Variants in LRRC72 observed in about 807,000 individuals in gnomAD.
The protein encoded by LRRC72 is leucine-rich repeat-containing protein 72.
A neutral mutation model predicts 35.8 loss-of-function variants in LRRC72; 41 were observed. That is an observed-to-expected ratio of 1.15 (90% CI 0.89 to 1.49). The LOEUF (loss-of-function observed/expected upper bound fraction) is 1.49, where lower values mean the gene tolerates loss of function less well. Among genes scored for constraint, LRRC72 ranks in the 40% most tolerant of loss-of-function variants. The pLI is 0.00. For synonymous variants in LRRC72, 118 were observed against 119.2 expected (o/e 0.99, Z 0.07); for missense variants, 389 against 330.7 (o/e 1.18, Z -1.37).
chr7:16,548,598 C>G (rs6949583), intron 3 of LRRC72, among the ~76,000 whole-genome samples: 15,364 of 152,294 alleles, frequency 0.1, 858 homozygotes, highest in East Asian at 0.15. Flanking sequence ...GGTGCCCATG[C>G]CAATCCCTGG....
intron 3 of LRRC72, among the ~76,000 whole-genome samples, chr7:16,540,420 G>A (rs965622526): frequency 2.6e-5 from 4 of 152,186 alleles, no homozygotes; most frequent in African/African-American, 7.2e-5. Context: ...AGGTGGAAGG[G>A]ACTAGCCTTG....
rs1404172 is a variant in LRRC72 at position 16,532,351 on chromosome 7, C to A, written c.91-144C>A. 2.4e-3 allele frequency: 1,421 copies of A among 603,792 alleles called. 7 individuals are homozygous for A. The highest frequency in any genetic ancestry group is 0.02 in the African/African-American group (1,055 of 53,816). 37.4% of individuals were successfully genotyped at this position (603,792 alleles called of 1,614,324 possible). ...TGAGTAAATAATATATAATTGTAGC[C>A]TTGGAATTTATCAGTTTAGAATGGT... On this transcript the variant is annotated intron_variant, in intron 1 of 8. Transcript: ENST00000401542.
At chr7:16,578,924 G>C (rs1254166373) in intron 7 of LRRC72, among the ~76,000 whole-genome samples, 2 of 152,198 alleles carry the variant, frequency 1.3e-5, no homozygotes, top group African/African-American at 4.8e-5. Context: ...CAAACTCATA[G>C]AAGCAGAGAG....
At chr7:16,566,736 G>A (rs1172806990) in intron 6 of LRRC72, among the ~76,000 whole-genome samples, 3 of 152,098 alleles carry the variant, frequency 2.0e-5, no homozygotes, top group African/African-American at 7.2e-5. Flanking sequence ...TCTCAAAAGT[G>A]AGGGAATTGG....
At chr7:16,528,525 A>G (rs1274064540) in intron 1 of LRRC72, among the ~76,000 whole-genome samples, 1 of 151,680 alleles carries the variant, frequency 6.6e-6, no homozygotes, top group African/African-American at 2.4e-5. Context: ...CTCTGCCTCC[A>G]TTTACTTGCC....
intron 5 of LRRC72, among the ~76,000 whole-genome samples, chr7:16,565,379 G>A (rs554786686): frequency 4.8e-4 from 72 of 150,326 alleles, no homozygotes; most frequent in African/African-American, 1.7e-3. Flanking sequence ...GTTGCAGTGA[G>A]CAAGATCATG....
chr7:16,579,510 A>G (rs983317414), intron 7 of LRRC72, among the ~76,000 whole-genome samples: 1 of 152,166 alleles, frequency 6.6e-6, no homozygotes, highest in Non-Finnish European at 1.5e-5. Context: ...AAGCAGTGAC[A>G]GTCTCTGGAA....
chr7:16,566,880 A>G (rs931289097), intron 6 of LRRC72, among the ~76,000 whole-genome samples: 1 of 152,152 alleles, frequency 6.6e-6, no homozygotes, highest in African/African-American at 2.4e-5. Flanking sequence ...TCAGATTTCT[A>G]TAAGCCACAT....
chr7:16,566,342 A>T lies in LRRC72; in HGVS notation c.457A>T (p.Asn153Tyr). The change falls in exon 6 of 9, where the codon AAC (asparagine) becomes TAC (tyrosine). Residue 153 changes from asparagine to tyrosine, a missense_variant. By Grantham distance (143) the Asn-to-Tyr change is moderately radical. Coordinates refer to ENST00000401542, the MANE Select transcript of LRRC72 (RefSeq NM_001195280.2). Reference sequence around the variant, plus strand: ...ATACCAAAATCCTTTGTGCCAATATAACCTGTATCGTTTATATATCATCTA... The same window carrying T: ...ATACCAAAATCCTTTGTGCCAATATTACCTGTATCGTTTATATATCATCTA... ...SLYQNPLCQY[N>Y]LYRLYIIYHL... 6.5e-7 allele frequency: 1 copy of T among 1,545,796 alleles called. No individual in the cohort carries two copies. Among genetic ancestry groups the T allele is most frequent in the Non-Finnish European group, 8.7e-7 (1 of 1,145,262 alleles).
intron 3 of LRRC72, among the ~76,000 whole-genome samples, chr7:16,550,116 T>G (rs1365073854): frequency 2.0e-5 from 3 of 152,008 alleles, no homozygotes; most frequent in Non-Finnish European, 2.9e-5. Flanking sequence ...CTACTTGGGA[T>G]GCTGAGGTGG....
intron 5 of LRRC72, among the ~76,000 whole-genome samples, chr7:16,564,622 C>T (rs1022607437): frequency 6.6e-6 from 1 of 152,002 alleles, no homozygotes; most frequent in Admixed American, 6.6e-5. Context: ...TATGCCTTTC[C>T]TCACTCCTGT....
intron 5 of LRRC72, among the ~76,000 whole-genome samples, chr7:16,563,386 A>G (rs1041410928): frequency 1.3e-5 from 2 of 152,154 alleles, no homozygotes; most frequent in African/African-American, 4.8e-5. Flanking sequence ...ATCATTGGGT[A>G]AATGTAAATT....
chr7:16,553,177 C>T (rs1782586577), intron 3 of LRRC72, among the ~76,000 whole-genome samples: 1 of 152,154 alleles, frequency 6.6e-6, no homozygotes, highest in African/African-American at 2.4e-5. Flanking sequence ...CGAATATTTT[C>T]CAGTGCTCAA....
At chr7:16,530,953 T>C (rs1782150607) in intron 1 of LRRC72, among the ~76,000 whole-genome samples, 1 of 151,914 alleles carries the variant, frequency 6.6e-6, no homozygotes, top group Non-Finnish European at 1.5e-5. Flanking sequence ...TCCTAGCACT[T>C]TGGGAGGCCA....
At chr7:16,528,139 C>T (rs1217565479) in intron 1 of LRRC72, among the ~76,000 whole-genome samples, 1 of 152,174 alleles carries the variant, frequency 6.6e-6, no homozygotes. Context: ...GATTGAAATT[C>T]TACCTTCTTC....
At chr7:16,573,179 C>T (rs776656447) in intron 7 of LRRC72, among the ~76,000 whole-genome samples, 3 of 152,138 alleles carry the variant, frequency 2.0e-5, no homozygotes, top group Non-Finnish European at 4.4e-5. Flanking sequence ...AAAAACATTC[C>T]ATGTTCATGG....
At chr7:16,528,380 G>C (rs766667395) in intron 1 of LRRC72, among the ~76,000 whole-genome samples, 1 of 151,744 alleles carries the variant, frequency 6.6e-6, no homozygotes, top group Non-Finnish European at 1.5e-5. Flanking sequence ...TTTCTGGTGG[G>C]CGCCTTGACC....
intron 3 of LRRC72, among the ~76,000 whole-genome samples, chr7:16,554,307 G>C (rs1379195985): frequency 6.6e-6 from 1 of 152,232 alleles, no homozygotes; most frequent in Non-Finnish European, 1.5e-5. Flanking sequence ...TCCAGCCTGG[G>C]TGACAGAGTG....
In LRRC72 at chr7:16,567,433, A is replaced by T; in HGVS notation, c.560A>T (p.Asn187Ile). The change falls in exon 7 of 9, where the codon AAC (asparagine) becomes ATC (isoleucine). Residue 187 changes from asparagine to isoleucine, a missense_variant. Transcript: ENST00000401542. The part of the protein sequence containing the change: ...KERRSMITIF[N>I]HKKAHIVQSI... ...AGAAGATCAATGATTACCATTTTTA[A>T]CCATAAAAAGGCTCATATCGTTCAA... 1 of 1,518,106 alleles carries T rather than the reference A, an allele frequency of 6.6e-7. No individual in the cohort carries two copies. Among genetic ancestry groups the T allele is most frequent in the East Asian group, 2.5e-5 (1 of 40,498 alleles). 94.0% of individuals were successfully genotyped at this position (1,518,106 alleles called of 1,614,324 possible).
Sources: allele counts gnomAD v4.1 joint callset (sites outside exome capture counted in the v4.1 genomes callset), GRCh38; gene constraint gnomAD v4.1.1; transcripts MANE v1.5; gene names NCBI Gene and HGNC (gene_info 2026-07-23, HGNC 2026-07-21).